The following NRG3 variants were observed in gnomAD, a reference collection of about 807,000 sequenced individuals.
The protein encoded by NRG3 is neuregulin 3.
A neutral mutation model predicts 66.9 loss-of-function variants in NRG3; 31 were observed. The observed-to-expected ratio is 0.46, with a 90% confidence interval of 0.35 to 0.63. The LOEUF (loss-of-function observed/expected upper bound fraction) is 0.63. Among genes scored for constraint, NRG3 ranks in the 20% least tolerant of loss-of-function variants. The probability of loss-of-function intolerance (pLI) is 0.00; values close to 1 mark genes in which losing one functional copy is unlikely to be tolerated. For synonymous variants in NRG3, 393 were observed against 359.4 expected (o/e 1.09, Z -1.06); for missense variants, 910 against 878.9 (o/e 1.04, Z -0.45).
At chr10:82,508,830 C>G (rs1392984335) in intron 2 of NRG3, among the ~76,000 whole-genome samples, 2 of 152,198 alleles carry the variant, frequency 1.3e-5, no homozygotes, top group African/African-American at 4.8e-5. Flanking sequence ...GGGTCCTTCT[C>G]TCATGACCAT....
chr10:81,940,709 A>C (rs1322441298), intron 1 of NRG3, among the ~76,000 whole-genome samples: 1 of 152,008 alleles, frequency 6.6e-6, no homozygotes, highest in Non-Finnish European at 1.5e-5. Context: ...CTTACATGCA[A>C]AAAGGCTGGA....
intron 2 of NRG3, among the ~76,000 whole-genome samples, chr10:82,402,745 C>T (rs567011674): frequency 3.9e-5 from 6 of 152,124 alleles, no homozygotes; most frequent in East Asian, 1.9e-4. Flanking sequence ...GATTCAAATA[C>T]GTCTATGTGG....
chr10:82,345,867 T>C (rs2082985884), intron 1 of NRG3, among the ~76,000 whole-genome samples: 2 of 151,420 alleles, frequency 1.3e-5, no homozygotes, highest in African/African-American at 4.8e-5. Context: ...TCTCTGTTTA[T>C]CTGTTGTTGG....
intron 1 of NRG3, among the ~76,000 whole-genome samples, chr10:81,981,878 G>T (rs1217669004): frequency 6.6e-6 from 1 of 152,142 alleles, no homozygotes; most frequent in Non-Finnish European, 1.5e-5. Context: ...AGTGTTTTCT[G>T]CTGATATAAG....
chr10:81,929,591 A>G (rs1034075552), intron 1 of NRG3, among the ~76,000 whole-genome samples: 1 of 152,032 alleles, frequency 6.6e-6, no homozygotes, highest in African/African-American at 2.4e-5. Context: ...TCTCTTTCCC[A>G]AGTTTAGGAA....
intron 1 of NRG3, among the ~76,000 whole-genome samples, chr10:82,153,995 T>C (rs982884013): frequency 6.6e-6 from 1 of 152,054 alleles, no homozygotes; most frequent in Admixed American, 6.6e-5. Context: ...TTTGCCTATA[T>C]TTTCTCCCAA....
chr10:82,352,799 G>T (rs906131353), intron 1 of NRG3, among the ~76,000 whole-genome samples: 3 of 151,856 alleles, frequency 2.0e-5, no homozygotes, highest in South Asian at 2.1e-4. Context: ...GACACAGAGG[G>T]CTTGGGAAGA....
At chr10:82,426,543 T>C (rs1270461648) in intron 2 of NRG3, among the ~76,000 whole-genome samples, 1 of 149,498 alleles carries the variant, frequency 6.7e-6, no homozygotes, top group Non-Finnish European at 1.5e-5. Flanking sequence ...AGGAAATGGA[T>C]GACAGCTTTC....
At chr10:81,898,503 C>T (rs559264640) in intron 1 of NRG3, among the ~76,000 whole-genome samples, 14 of 152,272 alleles carry the variant, frequency 9.2e-5, no homozygotes, top group Admixed American at 9.2e-4. Context: ...AAATTATGTG[C>T]AGACAATCTA....
intron 1 of NRG3, among the ~76,000 whole-genome samples, chr10:82,209,960 A>G (rs893211274): frequency 6.6e-6 from 1 of 152,140 alleles, no homozygotes; most frequent in Non-Finnish European, 1.5e-5. Context: ...TATATTTTCA[A>G]TAGCCAAGAT....
intron 2 of NRG3, among the ~76,000 whole-genome samples, chr10:82,381,632 T>A (rs10884645): frequency 0.41 from 63,057 of 152,048 alleles, 16,315 homozygotes; most frequent in African/African-American, 0.73. Flanking sequence ...TTTTACTCTA[T>A]TTGTGAGATT....
intron 1 of NRG3, among the ~76,000 whole-genome samples, chr10:82,227,408 T>G (rs12569726): frequency 0.027 from 4,123 of 152,138 alleles, 207 homozygotes; most frequent in East Asian, 0.19. Context: ...TTATTATTAT[T>G]TTATTGTATC....
intron 2 of NRG3, among the ~76,000 whole-genome samples, chr10:82,428,924 G>T (rs143614558): frequency 1.8e-3 from 273 of 151,762 alleles, no homozygotes; most frequent in African/African-American, 6.2e-3. Context: ...AATAATTAAC[G>T]TATATTACTG....
chr10:81,920,165 A>C (rs1197222893), intron 1 of NRG3, among the ~76,000 whole-genome samples: 1 of 152,162 alleles, frequency 6.6e-6, no homozygotes, highest in African/African-American at 2.4e-5. Context: ...CTTTTGAAGA[A>C]GTGTGCAGGG....
intron 1 of NRG3, among the ~76,000 whole-genome samples, chr10:82,003,830 G>A (rs71483382): frequency 0.03 from 4,558 of 152,122 alleles, 89 homozygotes; most frequent in Non-Finnish European, 0.048. Context: ...GAGGGGCTAC[G>A]GGGTAAAGGA....
chr10:82,101,211 C>G (rs1311383840), intron 1 of NRG3, among the ~76,000 whole-genome samples: 3 of 151,756 alleles, frequency 2.0e-5, no homozygotes, highest in Non-Finnish European at 4.4e-5. Context: ...TGATAACTCT[C>G]TTTGTTTTGG....
intron 1 of NRG3, among the ~76,000 whole-genome samples, chr10:82,242,742 G>A (rs1225004724): frequency 1.3e-5 from 2 of 152,214 alleles, no homozygotes; most frequent in South Asian, 2.1e-4. Context: ...AAGAAAAAGT[G>A]AAGTACATGT....
At chr10:82,632,204 T>A (rs930052989) in intron 2 of NRG3, among the ~76,000 whole-genome samples, 1 of 152,234 alleles carries the variant, frequency 6.6e-6, no homozygotes, top group African/African-American at 2.4e-5. Flanking sequence ...TCATTTTCCA[T>A]CTACCAAGCG....
chr10:82,462,684 A>T (rs1488279941), intron 2 of NRG3, among the ~76,000 whole-genome samples: 1 of 152,040 alleles, frequency 6.6e-6, no homozygotes, highest in African/African-American at 2.4e-5. Flanking sequence ...GTCTGCCTTG[A>T]TCCCAAGATT....
Sources: allele counts gnomAD v4.1 joint callset (sites outside exome capture counted in the v4.1 genomes callset), GRCh38; gene constraint gnomAD v4.1.1; transcripts MANE v1.5; gene names NCBI Gene and HGNC (gene_info 2026-07-23, HGNC 2026-07-21).